OGFOD2: variants seen among roughly 807,000 people sequenced by gnomAD.
OGFOD2 encodes the protein 2-oxoglutarate and iron dependent oxygenase domain containing 2.
Under a neutral mutation model 31.1 loss-of-function variants are expected in OGFOD2, and 34 were observed. The ratio of observed to expected loss-of-function variants is 1.09; its 90% CI spans 0.83 to 1.45. OGFOD2 has a LOEUF of 1.45. OGFOD2 is among the 40% of genes most tolerant of loss of function. The pLI, the probability that OGFOD2 is intolerant of heterozygous loss-of-function variation, is 0.00. For synonymous variants in OGFOD2, 240 were observed against 192.3 expected, an observed-to-expected ratio of 1.25 and a Z score of -2.05; for missense variants, 537 against 433.9, an observed-to-expected ratio of 1.24 and a Z score of -2.11.
intron 4 of OGFOD2, chr12:122,977,316 G>A (rs1483324838): frequency 2.9e-6 from 1 of 350,748 alleles, no homozygotes; most frequent in Admixed American, 4.2e-5. Context: ...CAGGATAAAG[G>A]GACCAGTAAG....
At chr12:122,978,527 G>A (rs571152296) in exon 5 of OGFOD2, 335 of 1,613,322 alleles carry the variant, frequency 2.1e-4, no homozygotes, top group Non-Finnish European at 2.7e-4. Context: ...TCGAGCAATC[G>A]GACATGCCTA....
intron 3 of OGFOD2, 46 bp from the exon 4 acceptor site, chr12:122,976,825 G>A (rs907150988): frequency 1.8e-5 from 29 of 1,596,530 alleles, no homozygotes; most frequent in Non-Finnish European, 2.2e-5. Context: ...TAGCATCCAG[G>A]GCTGGGGGTG....
chr12:122,979,972 C>T (rs1186426381), exon 7 of OGFOD2: 3 of 385,774 alleles, frequency 7.8e-6, no homozygotes, highest in Non-Finnish European at 1.4e-5. Context: ...TTCGTTTCCT[C>T]ATTTAGCACC....
chr12:122,978,610 G>C (rs765980338), intron 5 of OGFOD2, 41 bp downstream of exon 5: 2 of 1,602,324 alleles, frequency 1.2e-6, no homozygotes, highest in African/African-American at 2.7e-5. Context: ...GGGGTGGCTG[G>C]GGTCAGGAGG....
At chr12:122,975,190 C>T (rs771414475), upstream of OGFOD2, 82 of 520,252 alleles carry the variant, frequency 1.6e-4, no homozygotes, top group Middle Eastern at 3.4e-3. Context: ...CCGCGCCTCC[C>T]GCGGTTGGGG....
chr12:122,976,356 T>G (rs749003166), intron 2 of OGFOD2: 26 of 1,613,184 alleles, frequency 1.6e-5, no homozygotes, highest in Non-Finnish European at 2.2e-5. Context: ...AACACAGGAC[T>G]TGGCCATGAC....
chr12:122,976,867 C>A lies in OGFOD2; in HGVS notation c.304-4C>A. Reference sequence around the variant, plus strand: ...GCCCCACAGCTGGTGTGTTTTGCTCCCAGGATGCAGCTCTGGCCCCCGAGT... The same window carrying A: ...GCCCCACAGCTGGTGTGTTTTGCTCACAGGATGCAGCTCTGGCCCCCGAGT... On this transcript the variant is annotated splice_polypyrimidine_tract_variant and splice_region_variant and intron_variant, in intron 3 of 6. Coordinates refer to ENST00000228922, the Ensembl canonical transcript of OGFOD2. The A allele has an allele frequency of 1.2e-6, 2 of 1,601,152 alleles. No individual in the cohort carries two copies. Among genetic ancestry groups the A allele is most frequent in the African/African-American group, 1.3e-5 (1 of 74,812 alleles).
chr12:122,979,171 G>A lies in OGFOD2; in HGVS notation c.878G>A (p.Arg293Gln), dbSNP rs373504448. The stretch of plus-strand genomic sequence containing the variant: ...CGTGGCGGCCAGCTGCATGGAGCCC[G>A]GCCCTTGGGCACTGGTGAGCGTTGG... Residue 293 changes from arginine (R) to glutamine (Q), a missense_variant, in exon 7 of 7, where the codon CGG (arginine) becomes CAG (glutamine). Transcript: ENST00000228922. 1.2e-5 allele frequency: 19 copies of A among 1,611,216 alleles called. No homozygotes were observed. The highest frequency in any genetic ancestry group is 1.6e-4 in the Middle Eastern group (1 of 6,078).
At position 122,975,392 on chromosome 12, in the gene OGFOD2, C is replaced by T. The variant is rs963486489; in HGVS notation, c.132+9C>T. 1.7e-5 allele frequency: 12 copies of T among 695,968 alleles called. No individual in the cohort carries two copies. Among genetic ancestry groups the T allele is most frequent in the Middle Eastern group, 2.5e-4 (1 of 3,952 alleles). The allele number at this position is 695,968 out of a possible 1,614,324, so 43.1% of individuals were successfully genotyped here. On this transcript the variant is annotated intron_variant, in intron 1 of 6. Transcript: ENST00000228922. ...GCCGGGACTACGGCCCGGTGAGTGG[C>T]CGCTGTCGTCCCTACGGAGCAGTGG...
rs780084662 is a variant in OGFOD2, at chr12:122,978,796, C to T, written c.575C>T (p.Pro192Leu). 2.5e-6 allele frequency: 4 copies of T among 1,612,160 alleles called. No individual in the cohort carries two copies. The South Asian group carries it at 3.3e-5, about 13-fold the overall frequency. The change falls in exon 6 of 7, where the codon CCA becomes CTA. Residue 192 changes from proline to leucine, a missense_variant. By Grantham distance (98) the Pro-to-Leu change is moderately conservative. Coordinates refer to ENST00000228922, the Ensembl canonical transcript of OGFOD2. The stretch of plus-strand genomic sequence containing the variant: ...GGGCTGGACGAGCCGCTGATGACAC[C>T]ACTGCGGGAGCGCTTCCTGCAGCCG...
exon 7 of OGFOD2, chr12:122,979,173 C>G (rs780078597): frequency 1.4e-5 from 22 of 1,611,360 alleles, no homozygotes; most frequent in Non-Finnish European, 1.9e-5. Context: ...TGGAGCCCGG[C>G]CCTTGGGCAC....
chr12:122,978,928 A>G (rs753124851), exon 6 of OGFOD2: 10 of 1,613,126 alleles, frequency 6.2e-6, no homozygotes, highest in African/African-American at 1.3e-5. Flanking sequence ...GGCTGCCACT[A>G]TGATAATGCC....
chr12:122,978,016 C>G (rs2037482375), intron 4 of OGFOD2: 1 of 161,880 alleles, frequency 6.2e-6, no homozygotes, highest in South Asian at 1.7e-4. Flanking sequence ...TCTGGCCTTC[C>G]TGCTGGGGGA....
At position 122,976,660 on chromosome 12, in the gene OGFOD2, CAG is replaced by C; in HGVS notation, c.197_198del (p.Gln66ArgfsTer15). 1.3e-6 allele frequency: 2 copies of C among 1,592,766 alleles called. No homozygotes were observed. On this transcript the variant is annotated frameshift_variant, in exon 3 of 7. Transcript: ENST00000228922. LOFTEE classifies it high-confidence loss of function. ...CAACCCTGTGCCACCCCAGCTTGAGCAGGAGGTGGAGCGGCGGCAGCGGCTGG... is the reference window on the plus strand; with the variant it reads ...CAACCCTGTGCCACCCCAGCTTGAGCGAGGTGGAGCGGCGGCAGCGGCTGG...
At chr12:122,975,788 C>G (rs1484128384) in intron 1 of OGFOD2, 23 bp from the exon 2 acceptor site, 1 of 702,648 alleles carries the variant, frequency 1.4e-6, no homozygotes, top group East Asian at 2.7e-5. Context: ...TACAGTCATG[C>G]TCAGTGTTCT....
chr12:122,976,251 A>AGGCTGCTGCCAG (rs747668525), intron 2 of OGFOD2: 3 of 803,762 alleles, frequency 3.7e-6, no homozygotes, highest in East Asian at 2.6e-5. Context: ...TATACCCCGC[A>AGGCTGCTGCCAG]GGCTGCTGCC....
At chr12:122,979,043 GC>G in intron 6 of OGFOD2, 33 bp downstream of exon 6, 1 of 1,605,400 alleles carries the variant, frequency 6.2e-7, no homozygotes, top group African/African-American at 1.3e-5. Context: ...AGGGCCTGGG[GC>G]AGCTGTGAGT....
chr12:122,975,364 T>C (rs2037383552), exon 1 of OGFOD2: 1 of 700,930 alleles, frequency 1.4e-6, no homozygotes, highest in African/African-American at 1.7e-5. Context: ...GAGCAGCAGC[T>C]GCGCCGGGAC....
At chr12:122,979,504 G>T in exon 7 of OGFOD2, 1 of 970,596 alleles carries the variant, frequency 1.0e-6, no homozygotes, top group South Asian at 1.8e-5. Flanking sequence ...CCTTAGTTCA[G>T]GTTTGTCAGA....
Sources: gnomAD v4.1 joint callset for allele counts on GRCh38, gnomAD v4.1.1 for gene constraint, MANE v1.5 for transcripts, NCBI Gene and HGNC (gene_info 2026-07-23, HGNC 2026-07-21) for gene names.